Variants in ALPK1 observed in about 807,000 individuals in gnomAD.
ALPK1 encodes alpha-protein kinase 1.
ALPK1 carries 110 observed loss-of-function variants against 120.6 expected under a neutral mutation model. The ratio of observed to expected loss-of-function variants is 0.91; its 90% CI spans 0.78 to 1.07. The LOEUF is 1.07. Among genes scored for constraint, ALPK1 ranks in the 50% least tolerant of loss-of-function variants. The probability of loss-of-function intolerance (pLI) is 0.00; values close to 1 mark genes in which losing one functional copy is unlikely to be tolerated. For synonymous variants in ALPK1, 582 were observed against 560.3 expected (o/e 1.04, Z -0.55); for missense variants, 1,498 against 1,483.9 (o/e 1.01, Z -0.16).
At position 112,427,610 on chromosome 4, in the gene ALPK1, T is replaced by C. The variant is rs767094062; in HGVS notation, c.740T>C (p.Val247Ala). Residue 247 changes from valine to alanine, a missense_variant, in exon 9 of 16, where the codon GTT becomes GCT. Transcript: ENST00000650871. ...TSLGILADIF[V>A]SMSKNDYEKF... ...CTAGGTATACTGGCAGACATCTTTG[T>C]TTCCATGAGCAAGAACGATTATGAA... The C allele has an allele frequency of 1.2e-6, 2 of 1,614,138 alleles. No homozygotes were observed. Among genetic ancestry groups the C allele is most frequent in the South Asian group, 2.2e-5 (2 of 91,076 alleles).
intron 2 of ALPK1, chr4:112,358,773 G>A (rs1560652212): frequency 4.9e-6 from 4 of 821,530 alleles, no homozygotes; most frequent in Non-Finnish European, 8.8e-6. Flanking sequence ...GATGAACACG[G>A]CCAAGCTCTT....
rs756641865 is a variant in ALPK1 at position 112,439,849 on chromosome 4, G to A, written c.3515G>A (p.Arg1172Lys). 8.7e-6 allele frequency: 14 copies of A among 1,609,014 alleles called. No homozygotes were observed. The highest frequency in any genetic ancestry group is 1.1e-5 in the Non-Finnish European group (13 of 1,178,852). Residue 1172 changes from arginine (R) to lysine (K), a missense_variant, in exon 14 of 16, where the codon AGA becomes AAA. Arg to Lys is a conservative substitution (Grantham distance 26). Coordinates refer to ENST00000650871, the MANE Select transcript of ALPK1 (RefSeq NM_025144.4). ...TTTTCTTATGAGTTTTCTAATCATA[G>A]AGATGTTGTGGTCGATTTACAAGGT... ...GHFSYEFSNHRDVVVDLQGWV... is the reference protein window; with the variant it reads ...GHFSYEFSNHKDVVVDLQGWV...
At chr4:112,337,085 A>G (rs925371053) in intron 2 of ALPK1, among the ~76,000 whole-genome samples, 1 of 152,064 alleles carries the variant, frequency 6.6e-6, no homozygotes, top group African/African-American at 2.4e-5. Flanking sequence ...TCCCATTCTG[A>G]AAAGAGTCCT....
chr4:112,433,317 T>C (rs1288460814), intron 11 of ALPK1, among the ~76,000 whole-genome samples: 1 of 152,228 alleles, frequency 6.6e-6, no homozygotes, highest in Non-Finnish European at 1.5e-5. Context: ...TTTCTCTGTG[T>C]CCTCACATAG....
At chr4:112,370,421 G>A (rs1231228938) in intron 2 of ALPK1, among the ~76,000 whole-genome samples, 1 of 152,074 alleles carries the variant, frequency 6.6e-6, no homozygotes, top group Non-Finnish European at 1.5e-5. Flanking sequence ...AAAAAATACA[G>A]GGGAGGGATG....
intron 1 of ALPK1, among the ~76,000 whole-genome samples, chr4:112,307,067 G>C (rs1459103379): frequency 2.0e-5 from 3 of 152,088 alleles, no homozygotes; most frequent in Non-Finnish European, 2.9e-5. Context: ...GGTTTTGAGT[G>C]AGTTTCTTAA....
intron 3 of ALPK1, among the ~76,000 whole-genome samples, chr4:112,378,841 T>C (rs1441883508): frequency 6.6e-6 from 1 of 152,224 alleles, no homozygotes; most frequent in Non-Finnish European, 1.5e-5. Context: ...AAGGGCACTA[T>C]GGAAGTCTTA....
intron 11 of ALPK1, 102 bp from the exon 12 acceptor site, chr4:112,435,046 A>G (rs1734728916): frequency 2.6e-6 from 3 of 1,149,396 alleles, no homozygotes; most frequent in Non-Finnish European, 3.8e-6. Context: ...AAAAGTGAAG[A>G]TTTCAGGTGA....
chr4:112,297,817 A>T (rs541216211), intron 1 of ALPK1, among the ~76,000 whole-genome samples: 2 of 152,190 alleles, frequency 1.3e-5, no homozygotes, highest in South Asian at 4.1e-4. Context: ...CTTAACTGAG[A>T]TGTTTAATTA....
chr4:112,365,318 C>A (rs1188375543), intron 2 of ALPK1, among the ~76,000 whole-genome samples: 2 of 152,140 alleles, frequency 1.3e-5, no homozygotes, highest in Admixed American at 1.3e-4. Flanking sequence ...ACCCTAAAGA[C>A]TCATCCAAAA....
intron 2 of ALPK1, among the ~76,000 whole-genome samples, chr4:112,360,760 G>T (rs1468602600): frequency 6.6e-6 from 1 of 152,210 alleles, no homozygotes; most frequent in African/African-American, 2.4e-5. Flanking sequence ...TTCTCCCCCA[G>T]CATATGAAAG....
chr4:112,369,676 C>T (rs1454095953), intron 2 of ALPK1, among the ~76,000 whole-genome samples: 1 of 151,838 alleles, frequency 6.6e-6, no homozygotes, highest in Non-Finnish European at 1.5e-5. Flanking sequence ...GAGTGATACT[C>T]GGTCTCAAAA....
intron 5 of ALPK1, among the ~76,000 whole-genome samples, chr4:112,417,808 T>A (rs1294774236): frequency 6.6e-6 from 1 of 152,222 alleles, no homozygotes; most frequent in East Asian, 1.9e-4. Context: ...TTTTTAAATC[T>A]ATTCATTTAG....
At chr4:112,403,884 A>C (rs1489414927) in intron 4 of ALPK1, among the ~76,000 whole-genome samples, 5 of 152,220 alleles carry the variant, frequency 3.3e-5, no homozygotes, top group Admixed American at 1.3e-4. Flanking sequence ...TAGATTAGGC[A>C]GTGTTCTCTG....
chr4:112,313,201 C>T (rs761622891), intron 1 of ALPK1, among the ~76,000 whole-genome samples: 1 of 152,150 alleles, frequency 6.6e-6, no homozygotes, highest in Non-Finnish European at 1.5e-5. Flanking sequence ...TGAATGAAGT[C>T]ACCGAGGAAT....
rs577551124 is a variant in ALPK1 at position 112,383,377 on chromosome 4, C to T, written c.276+825C>T. On this transcript the variant is annotated intron_variant, in intron 4 of 15. Transcript: ENST00000650871. ...CTAAAATTTTTACTTTATTGCTTTA[C>T]GTAAGATTGTATTTTTGAGTCATCC... is the stretch of plus-strand genomic sequence containing the variant. 2.6e-5 allele frequency: 4 copies of T among 151,870 alleles called. No homozygotes were observed. In the South Asian group the frequency reaches 6.2e-4, roughly 24 times the overall value. The allele number at this position is 151,870 out of a possible 1,614,324, so 9.4% of individuals were successfully genotyped here. A position where few individuals can be genotyped will look rare whatever the true frequency, so the allele number is the denominator to read the frequency against.
intron 2 of ALPK1, among the ~76,000 whole-genome samples, chr4:112,353,189 T>C (rs561812922): frequency 2.2e-4 from 34 of 152,242 alleles, no homozygotes; most frequent in African/African-American, 7.7e-4. Flanking sequence ...TTATTCAGGC[T>C]GATCTTGAAC....
rs761276499 is a variant in ALPK1 at position 112,440,917 on chromosome 4, G to A, written c.3539G>A (p.Gly1180Asp). The A allele has an allele frequency of 6.2e-7, 1 of 1,603,942 alleles. No homozygotes were observed. Among genetic ancestry groups the A allele is most frequent in the Non-Finnish European group, 8.5e-7 (1 of 1,174,928 alleles). The change falls in exon 15 of 16, where the codon GGT becomes GAT. Residue 1180 changes from glycine (G) to aspartate (D), a missense_variant and splice_region_variant. By Grantham distance (94) the Gly-to-Asp change is moderately conservative. Transcript: ENST00000650871. ...TCAGGTGTGTTCATTTCTCTTTTAG[G>A]TTGGGTAACCGGTAATGGAAAAGGA... ...NHRDVVVDLQ[G>D]WVTGNGKGLI...
chr4:112,427,631 A>T lies in ALPK1; in HGVS notation c.761A>T (p.Tyr254Phe). ...TTTGTTTCCATGAGCAAGAACGATT[A>T]TGAAAAGTTTAAAAACAATCCACAA... ...DIFVSMSKND[Y>F]EKFKNNPQIN... is the part of the protein sequence containing the mutation. The change falls in exon 9 of 16, where the codon TAT (tyrosine) becomes TTT (phenylalanine). Residue 254 changes from tyrosine to phenylalanine, a missense_variant. Physicochemically the swap from Tyr to Phe is conservative, Grantham distance 22. Transcript: ENST00000650871. 1 of 1,614,052 alleles carries T rather than the reference A, an allele frequency of 6.2e-7. No individual in the cohort carries two copies. The highest frequency in any genetic ancestry group is 8.5e-7 in the Non-Finnish European group (1 of 1,179,920).
Sources: allele counts gnomAD v4.1 joint callset (sites outside exome capture counted in the v4.1 genomes callset), GRCh38; gene constraint gnomAD v4.1.1; transcripts MANE v1.5; gene names NCBI Gene and HGNC (gene_info 2026-07-23, HGNC 2026-07-21).